RECQL: variants seen among roughly 807,000 people sequenced by gnomAD.
RECQL encodes RecQ like helicase.
RECQL carries 73 observed loss-of-function variants against 75.8 expected under a neutral mutation model. The ratio of observed to expected loss-of-function variants is 0.96; its 90% confidence interval spans 0.80 to 1.17. The LOEUF (loss-of-function observed/expected upper bound fraction) is 1.17. Ranked by LOEUF, RECQL falls within the 50% of genes most tolerant of loss-of-function variation. The pLI is 0.00. For missense variants in RECQL, 699 were observed against 772.1 expected, an observed-to-expected ratio of 0.91 and a Z score of 1.12; for synonymous variants, 248 against 254.4, an observed-to-expected ratio of 0.97 and a Z score of 0.24.
At chr12:21,500,699 T>TG (rs1943595378) in intron 1 of RECQL, among the ~76,000 whole-genome samples, 1 of 152,198 alleles carries the variant, frequency 6.6e-6, no homozygotes. Context: ...GGGCTGGGGT[T>TG]CAATCTCTTC....
intron 12 of RECQL, among the ~76,000 whole-genome samples, chr12:21,471,873 T>TA (rs1029655460): frequency 3.4e-4 from 51 of 151,396 alleles, no homozygotes; most frequent in Admixed American, 7.9e-4. Context: ...GTGATATATA[T>TA]AAAAAAAAAT....
At position 21,469,141 on chromosome 12, in the gene RECQL, T is replaced by A. The variant is rs1942862775; in HGVS notation, c.*1053A>T. 6.1e-6 allele frequency: 1 copy of A among 164,526 alleles called. No individual in the cohort carries two copies. The highest frequency in any genetic ancestry group is 6.0e-5 in the Admixed American group (1 of 16,566). The allele number at this position is 164,526 out of a possible 1,614,324, so 10.2% of individuals were successfully genotyped here. ...AAAATATGGCTATGGTTTCAGGAAC[T>A]TTAAAATCGGTTGTATTTTACTTTA... On this transcript the variant is annotated 3_prime_UTR_variant, in exon 15 of 15. Transcript: ENST00000444129.
At chr12:21,479,350 ATTTTTTTT>A (rs11366827) in intron 6 of RECQL, among the ~76,000 whole-genome samples, 3 of 116,316 alleles carry the variant, frequency 2.6e-5, no homozygotes, top group South Asian at 6.4e-4. Context: ...TCATCATGTA[ATTTTTTTT>A]TTTTTTTTTT....
At position 21,491,512 on chromosome 12, in the gene RECQL, A is replaced by G. The variant is rs1174481646; in HGVS notation, c.214+7T>C. 6.4e-7 allele frequency: 1 copy of G among 1,565,192 alleles called. No homozygotes were observed. Among genetic ancestry groups the G allele is most frequent in the Non-Finnish European group, 8.6e-7 (1 of 1,164,570 alleles). ...AAACTAGCAAAAAAAAAAAAAAAAA[A>G]GTTAACCTTCTTTATTCCAAGCGGC... On this transcript the variant is annotated splice_region_variant and intron_variant, in intron 3 of 14. Transcript: ENST00000444129.
rs778256014 is a variant in RECQL, at chr12:21,477,983, C to T, written c.701-14G>A. On this transcript the variant is annotated splice_polypyrimidine_tract_variant and intron_variant, in intron 6 of 14. Coordinates refer to ENST00000444129, the MANE Select transcript of RECQL (RefSeq NM_002907.4). ...GTGCCTTATAATCTGAAAAAACAAA[C>T]AAAGTGGCCCTTTTTCTATCCTTTA... 12 of 1,588,428 alleles carry T rather than the reference C, an allele frequency of 7.6e-6. No individual in the cohort carries two copies. In the African/African-American group the frequency reaches 1.2e-4, roughly 16 times the overall value.
intron 2 of RECQL, among the ~76,000 whole-genome samples, chr12:21,494,309 A>G (rs1023929972): frequency 2.0e-5 from 3 of 152,210 alleles, no homozygotes; most frequent in Admixed American, 6.5e-5. Flanking sequence ...TCACATTTCA[A>G]CATGAGATTA....
Position 21,470,291 on chromosome 12 carries a change from T to G in RECQL, c.1853A>C (p.Lys618Thr). 1 of 1,609,012 alleles carries G rather than the reference T, an allele frequency of 6.2e-7. No individual in the cohort carries two copies. The highest frequency in any genetic ancestry group is 8.5e-7 in the Non-Finnish European group (1 of 1,177,932). Residue 618 changes from lysine to threonine, a missense_variant, in exon 15 of 15, where the codon AAA becomes ACA. Around this residue, in one of 2 missense-constraint regions of RECQL, gnomAD observed 30 missense variants for 58.6 expected, o/e 0.51. Coordinates refer to ENST00000444129, the MANE Select transcript of RECQL (RefSeq NM_002907.4). ...SEQGDKKMEE[K>T]NSGNFQKKAA... ...CTTCTTCTGGAAGTTGCCTGAATTT[T>G]TTTCCTCCATCTTTTTATCACCTTG...
intron 5 of RECQL, among the ~76,000 whole-genome samples, chr12:21,484,399 C>A (rs563890563): frequency 6.6e-6 from 1 of 152,238 alleles, no homozygotes; most frequent in African/African-American, 2.4e-5. Context: ...CTGCAACTTT[C>A]TAAATTACTT....
intron 2 of RECQL, among the ~76,000 whole-genome samples, chr12:21,495,230 C>T (rs1259582028): frequency 6.6e-6 from 1 of 152,102 alleles, no homozygotes; most frequent in Non-Finnish European, 1.5e-5. Context: ...AACCACACAG[C>T]TAAAAATGTA....
intron 4 of RECQL, 71 bp from the exon 5 acceptor site, chr12:21,486,656 CGT>C (rs869129453): frequency 0.28 from 42,646 of 154,846 alleles, 11,891 homozygotes; most frequent in Admixed American, 0.34. Context: ...AAACCATTCA[CGT>C]TTTTTTTTTT....
At chr12:21,477,225 A>G (rs2137347673) in intron 7 of RECQL, among the ~76,000 whole-genome samples, 1 of 152,288 alleles carries the variant, frequency 6.6e-6, no homozygotes, top group East Asian at 1.9e-4. Flanking sequence ...AGCAGTGAAT[A>G]ACTTGCAAGG....
rs1275285634 is a variant in RECQL at position 21,475,488 on chromosome 12, T to C, written c.1196A>G (p.Tyr399Cys). 6.2e-7 allele frequency: 1 copy of C among 1,610,892 alleles called. No homozygotes were observed. Among genetic ancestry groups the C allele is most frequent in the Non-Finnish European group, 8.5e-7 (1 of 1,177,706 alleles). ...HSMSKSMENY[Y>C]QESGRAGRDD... ...CATACCTGCACGTCCACTCTCTTGG[T>C]AATAATTTTCCATGGATTTACTCAT... is the stretch of plus-strand genomic sequence containing the variant. The change falls in exon 10 of 15, where the codon TAC becomes TGC. Residue 399 changes from tyrosine to cysteine, a missense_variant. Physicochemically the swap from Tyr to Cys is radical, Grantham distance 194 (BLOSUM62 -2). Transcript: ENST00000444129.
At chr12:21,499,191 T>C (rs1235865504) in intron 2 of RECQL, among the ~76,000 whole-genome samples, 1 of 152,180 alleles carries the variant, frequency 6.6e-6, no homozygotes, top group Non-Finnish European at 1.5e-5. Flanking sequence ...TATGATTCCA[T>C]TTATATGAGG....
chr12:21,497,068 T>G (rs1019936042), intron 2 of RECQL, among the ~76,000 whole-genome samples: 4 of 152,192 alleles, frequency 2.6e-5, no homozygotes, highest in Non-Finnish European at 5.9e-5. Flanking sequence ...AACTTCTGGG[T>G]TGCTCCTGGG....
chr12:21,474,459 G>A (rs1943043083), intron 11 of RECQL, among the ~76,000 whole-genome samples: 1 of 152,002 alleles, frequency 6.6e-6, no homozygotes, highest in African/African-American at 2.4e-5. Context: ...GTATTTCATT[G>A]ACACATGAGC....
chr12:21,485,617 C>T (rs1943279388), intron 5 of RECQL, among the ~76,000 whole-genome samples: 1 of 151,478 alleles, frequency 6.6e-6, no homozygotes, highest in Non-Finnish European at 1.5e-5. Flanking sequence ...GATTAAACTT[C>T]TTAGATGTGA....
intron 6 of RECQL, among the ~76,000 whole-genome samples, chr12:21,480,576 C>A (rs1419375970): frequency 6.6e-6 from 1 of 152,050 alleles, no homozygotes; most frequent in Non-Finnish European, 1.5e-5. Flanking sequence ...GATGCTGCAC[C>A]AAGGACTCTG....
intron 4 of RECQL, among the ~76,000 whole-genome samples, chr12:21,489,302 A>G (rs1015203829): frequency 2.6e-5 from 4 of 152,212 alleles, no homozygotes; most frequent in Non-Finnish European, 5.9e-5. Context: ...AAGAGCTGCC[A>G]AGGAGACCAT....
intron 5 of RECQL, among the ~76,000 whole-genome samples, chr12:21,484,121 AG>A (rs2137377350): frequency 6.6e-6 from 1 of 152,250 alleles, no homozygotes; most frequent in South Asian, 2.1e-4. Context: ...AAATCTTAAA[AG>A]GTAACAGTTA....
Sources: allele counts gnomAD v4.1 joint callset (sites outside exome capture counted in the v4.1 genomes callset), GRCh38; gene constraint gnomAD v4.1.1; regional missense constraint gnomAD v4.1.1; transcripts MANE v1.5; gene names NCBI Gene and HGNC (gene_info 2026-07-23, HGNC 2026-07-21).